The following HHAT variants were observed in gnomAD, a reference collection of about 807,000 sequenced individuals.
The protein encoded by HHAT is hedgehog acyltransferase.
HHAT carries 47 observed loss-of-function variants against 70.8 expected under a neutral mutation model. The ratio of observed to expected loss-of-function variants is 0.66; its 90% CI spans 0.53 to 0.85. HHAT has a LOEUF of 0.85. Among genes scored for constraint, HHAT ranks in the 40% least tolerant of loss-of-function variants. The pLI, the probability that HHAT is intolerant of heterozygous loss-of-function variation, is 0.00. For missense variants in HHAT, 609 were observed against 604.8 expected (o/e 1.01, Z -0.07); for synonymous variants, 228 against 247.6 (o/e 0.92, Z 0.74).
chr1:210,623,648 C>T lies in HHAT; in HGVS notation c.1368C>T (p.Tyr456=). The T allele has an allele frequency of 6.2e-7, 1 of 1,614,036 alleles. No homozygotes were observed. Among genetic ancestry groups the T allele is most frequent in the South Asian group, 1.1e-5 (1 of 91,030 alleles). ...GGGGCAATGAGGTTGGGAAAACCTA[C>T]TGGAATAGGATCTTCATACAAGGTA... The part of the protein sequence containing the change: ...FLGGNEVGKT[Y]WNRIFIQGWP... Residue 456 remains tyrosine (Y), a synonymous_variant, in exon 11 of 12, where the codon TAC becomes TAT. Transcript: ENST00000261458.
chr1:210,577,115 A>T (rs1657977947), intron 9 of HHAT, among the ~76,000 whole-genome samples: 1 of 151,480 alleles, frequency 6.6e-6, no homozygotes, highest in Non-Finnish European at 1.5e-5. Context: ...GTATAAGATC[A>T]TGTCATCTAT....
At chr1:210,435,816 C>CT (rs945363036) in intron 7 of HHAT, among the ~76,000 whole-genome samples, 12 of 151,214 alleles carry the variant, frequency 7.9e-5, no homozygotes, top group African/African-American at 2.9e-4. Flanking sequence ...GGGATTCTTT[C>CT]TTTTTTTTGC....
At chr1:210,496,223 C>T (rs752205900) in intron 8 of HHAT, among the ~76,000 whole-genome samples, 10 of 151,868 alleles carry the variant, frequency 6.6e-5, no homozygotes, top group East Asian at 1.9e-4. Flanking sequence ...CTGAAGGCCT[C>T]GCTGGGCTGA....
intron 1 of HHAT, among the ~76,000 whole-genome samples, chr1:210,348,729 A>ATGTTTGCGTG (rs1553317670): frequency 1.3e-3 from 96 of 72,332 alleles, no homozygotes; most frequent in African/African-American, 7.1e-3. Context: ...TGTGTGGTGT[A>ATGTTTGCGTG]TGTGTGCGTG....
intron 11 of HHAT, among the ~76,000 whole-genome samples, chr1:210,632,858 C>T (rs1225059143): frequency 6.6e-6 from 1 of 152,108 alleles, no homozygotes; most frequent in Admixed American, 6.5e-5. Flanking sequence ...TAGACATGCA[C>T]AGAGGAAGAT....
intron 11 of HHAT, among the ~76,000 whole-genome samples, chr1:210,672,384 G>A (rs1363150014): frequency 1.3e-5 from 2 of 152,136 alleles, no homozygotes; most frequent in Non-Finnish European, 2.9e-5. Context: ...CAGCAGCCAC[G>A]TCACATGATC....
intron 9 of HHAT, among the ~76,000 whole-genome samples, chr1:210,559,726 G>T (rs546604660): frequency 3.3e-5 from 5 of 152,232 alleles, no homozygotes; most frequent in South Asian, 2.1e-4. Context: ...GTGACAATAT[G>T]CTGGCTGCTC....
At position 210,533,872 on chromosome 1, in the gene HHAT, C is replaced by T. The variant is rs186726979; in HGVS notation, c.1043+20684C>T. Among the ~76,000 whole-genome samples the T allele has an allele frequency of 4.0e-3, 605 of 150,474 alleles. 7 individuals carry two copies. Among genetic ancestry groups the T allele is most frequent in the Middle Eastern group, 0.017 (5 of 292 alleles). On this transcript the variant is annotated intron_variant, in intron 9 of 11. Transcript: ENST00000261458. ...TTTTAAAAGTTTCTGAGAAATCAAT[C>T]CTGACTCCAAGAACAAAAAAGGCCC... is the stretch of plus-strand genomic sequence containing the variant.
chr1:210,528,385 C>A (rs1036509450), intron 9 of HHAT, among the ~76,000 whole-genome samples: 4 of 152,178 alleles, frequency 2.6e-5, no homozygotes, highest in African/African-American at 9.7e-5. Context: ...CACAGTGAGG[C>A]TGGTAGATTG....
chr1:210,483,833 A>G (rs1429420436), intron 8 of HHAT, among the ~76,000 whole-genome samples: 3 of 152,214 alleles, frequency 2.0e-5, no homozygotes, highest in Admixed American at 6.5e-5. Flanking sequence ...GTAGAATAAT[A>G]TAAGTATAAA....
At chr1:210,648,612 C>T (rs1275817976) in intron 11 of HHAT, among the ~76,000 whole-genome samples, 1 of 151,826 alleles carries the variant, frequency 6.6e-6, no homozygotes, top group African/African-American at 2.4e-5. Context: ...GGTTATTATC[C>T]CAAGACCCTA....
Position 210,356,116 on chromosome 1 carries a change from A to G in HHAT, c.92-6736A>G, listed in dbSNP as rs2087591336. Among the ~76,000 whole-genome samples the G allele has an allele frequency of 2.0e-5, 3 of 149,634 alleles. No individual in the cohort carries two copies. In the South Asian group the frequency reaches 6.3e-4, roughly 32 times the overall value. Reference sequence around the variant, plus strand: ...GCTATTTTTTTTTTTTTTTGGAGACAGGGTCTTGCTATGTTGCCCAGGCTG... The same window carrying G: ...GCTATTTTTTTTTTTTTTTGGAGACGGGGTCTTGCTATGTTGCCCAGGCTG... On this transcript the variant is annotated intron_variant, in intron 2 of 11. Coordinates refer to ENST00000261458, the MANE Select transcript of HHAT (RefSeq NM_018194.6).
At chr1:210,587,802 TG>T in intron 9 of HHAT, 95 bp from the exon 10 acceptor site, 4 of 872,118 alleles carry the variant, frequency 4.6e-6, no homozygotes, top group Non-Finnish European at 7.4e-6. Context: ...TCTGCATATG[TG>T]AACAGCAGTA....
intron 8 of HHAT, among the ~76,000 whole-genome samples, chr1:210,512,264 C>T (rs1035354311): frequency 1.6e-4 from 24 of 152,138 alleles, no homozygotes; most frequent in Non-Finnish European, 3.2e-4. Flanking sequence ...TCCAGGACTA[C>T]AACTAGGTGG....
chr1:210,651,120 T>C (rs1675041632), intron 11 of HHAT, among the ~76,000 whole-genome samples: 1 of 152,186 alleles, frequency 6.6e-6, no homozygotes, highest in Non-Finnish European at 1.5e-5. Flanking sequence ...ATTCCTCTAG[T>C]TGAATCTCCA....
intron 8 of HHAT, among the ~76,000 whole-genome samples, chr1:210,470,706 A>T (rs1161140669): frequency 6.6e-6 from 1 of 152,152 alleles, no homozygotes; most frequent in African/African-American, 2.4e-5. Context: ...AGTAAGAAGC[A>T]ATCTGATGTA....
At chr1:210,645,227 A>G (rs1426276551) in intron 11 of HHAT, among the ~76,000 whole-genome samples, 3 of 152,116 alleles carry the variant, frequency 2.0e-5, no homozygotes, top group Non-Finnish European at 4.4e-5. Flanking sequence ...CTTCCTTATT[A>G]TGGAGACACC....
chr1:210,651,454 G>A (rs1044303153), intron 11 of HHAT, among the ~76,000 whole-genome samples: 5 of 152,262 alleles, frequency 3.3e-5, no homozygotes, highest in African/African-American at 7.2e-5. Context: ...AAACACAAGG[G>A]AAGAAGTGCA....
At chr1:210,644,755 A>T (rs767925657) in intron 11 of HHAT, among the ~76,000 whole-genome samples, 1 of 152,142 alleles carries the variant, frequency 6.6e-6, no homozygotes, top group Admixed American at 6.6e-5. Flanking sequence ...CTTTTGCCAT[A>T]TAGTAAGGAG....
Sources: allele counts gnomAD v4.1 joint callset (sites outside exome capture counted in the v4.1 genomes callset), GRCh38; gene constraint gnomAD v4.1.1; transcripts MANE v1.5; gene names NCBI Gene and HGNC (gene_info 2026-07-23, HGNC 2026-07-21).